GRIN2A: variants seen among roughly 807,000 people sequenced by gnomAD.
The protein encoded by GRIN2A is glutamate ionotropic receptor NMDA type subunit 2A.
GRIN2A carries 22 observed loss-of-function variants against 113.4 expected under a neutral mutation model. That is an observed-to-expected ratio of 0.19 (90% confidence interval 0.14 to 0.28). The LOEUF (loss-of-function observed/expected upper bound fraction) is 0.28. Ranked by LOEUF, GRIN2A falls within the 10% of genes least tolerant of loss-of-function variation. The probability of loss-of-function intolerance (pLI) is 1.00; values close to 1 mark genes in which losing one functional copy is unlikely to be tolerated. For synonymous variants in GRIN2A, 827 were observed against 738.4 expected (o/e 1.12, Z -1.94); for missense variants, 1,502 against 1,887.0 (o/e 0.80, Z 3.78).
intron 11 of GRIN2A, among the ~76,000 whole-genome samples, chr16:9,777,457 G>T (rs1383741514): frequency 6.6e-6 from 1 of 152,166 alleles, no homozygotes; most frequent in African/African-American, 2.4e-5. Context: ...CAAATAGATT[G>T]AATTTGGGAG....
intron 2 of GRIN2A, among the ~76,000 whole-genome samples, chr16:10,145,807 A>G (rs1038775315): frequency 2.0e-5 from 3 of 152,218 alleles, no homozygotes; most frequent in Non-Finnish European, 4.4e-5. Context: ...ACATCTACAG[A>G]TGGGTGCAAT....
At chr16:9,797,803 T>G (rs141806217) in intron 11 of GRIN2A, among the ~76,000 whole-genome samples, 7 of 152,300 alleles carry the variant, frequency 4.6e-5, no homozygotes, top group African/African-American at 1.7e-4. Context: ...TCCTGGACCC[T>G]GTAAGGTGTT....
chr16:10,109,671 A>T (rs990072718), intron 2 of GRIN2A, among the ~76,000 whole-genome samples: 4 of 152,042 alleles, frequency 2.6e-5, no homozygotes, highest in Non-Finnish European at 5.9e-5. Flanking sequence ...AAGACCTACC[A>T]TTTAATAAAT....
At chr16:9,856,015 A>G (rs1349476449) in intron 4 of GRIN2A, among the ~76,000 whole-genome samples, 4 of 152,342 alleles carry the variant, frequency 2.6e-5, no homozygotes, top group Non-Finnish European at 4.4e-5. Context: ...ACAGTGGGCA[A>G]TAATGACAAA....
chr16:10,101,640 A>T (rs1217275650), intron 2 of GRIN2A, among the ~76,000 whole-genome samples: 1 of 152,210 alleles, frequency 6.6e-6, no homozygotes, highest in Admixed American at 6.5e-5. Flanking sequence ...TGGGATACCA[A>T]TTATAAACTT....
chr16:9,783,571 T>C (rs906753802), intron 11 of GRIN2A, among the ~76,000 whole-genome samples: 11 of 152,232 alleles, frequency 7.2e-5, no homozygotes, highest in African/African-American at 2.4e-4. Flanking sequence ...GTGGTTGGCA[T>C]GTGGACTAAC....
chr16:10,152,816 T>C (rs930437179), intron 2 of GRIN2A, among the ~76,000 whole-genome samples: 8 of 152,198 alleles, frequency 5.3e-5, no homozygotes, highest in African/African-American at 1.9e-4. Context: ...TGCATATTTC[T>C]AAGTGAAAGA....
chr16:9,902,781 T>C (rs2043954109), intron 3 of GRIN2A, among the ~76,000 whole-genome samples: 2 of 152,000 alleles, frequency 1.3e-5, no homozygotes, highest in Non-Finnish European at 2.9e-5. Context: ...ATGCATTTGG[T>C]CCTAACCCCA....
At chr16:9,874,302 C>T (rs543442387) in intron 4 of GRIN2A, among the ~76,000 whole-genome samples, 1 of 152,308 alleles carries the variant, frequency 6.6e-6, no homozygotes, top group South Asian at 2.1e-4. Flanking sequence ...AATAAAGGAA[C>T]AGTTTACTGC....
intron 3 of GRIN2A, among the ~76,000 whole-genome samples, chr16:9,907,107 C>A (rs1177547687): frequency 6.6e-6 from 1 of 152,220 alleles, no homozygotes; most frequent in East Asian, 1.9e-4. Context: ...ATCACGATGC[C>A]TGACCACAAA....
chr16:10,052,674 G>A (rs1221397410), intron 2 of GRIN2A, among the ~76,000 whole-genome samples: 1 of 152,168 alleles, frequency 6.6e-6, no homozygotes, highest in Non-Finnish European at 1.5e-5. Context: ...TGTTGAGGCA[G>A]GAAGCTTCAA....
intron 2 of GRIN2A, among the ~76,000 whole-genome samples, chr16:10,161,013 T>A (rs2049798947): frequency 1.3e-5 from 2 of 152,216 alleles, no homozygotes; most frequent in African/African-American, 4.8e-5. Context: ...CAGTAGAACT[T>A]CCTAGAGCAT....
chr16:10,106,022 G>C (rs1490512229), intron 2 of GRIN2A, among the ~76,000 whole-genome samples: 1 of 152,124 alleles, frequency 6.6e-6, no homozygotes, highest in Non-Finnish European at 1.5e-5. Flanking sequence ...GTACAGTATA[G>C]CCTGCCAGCT....
At chr16:10,159,550 C>T (rs2049770347) in intron 2 of GRIN2A, among the ~76,000 whole-genome samples, 1 of 151,980 alleles carries the variant, frequency 6.6e-6, no homozygotes, top group Non-Finnish European at 1.5e-5. Context: ...AAAGGCAGAT[C>T]ATCATCAATG....
chr16:10,165,305 G>A (rs948548253), intron 2 of GRIN2A, among the ~76,000 whole-genome samples: 16 of 151,834 alleles, frequency 1.1e-4, no homozygotes, highest in South Asian at 4.1e-4. Context: ...TGTAAATAAG[G>A]TATAGGAAAA....
chr16:9,853,761 A>C (rs1247185117), intron 4 of GRIN2A, among the ~76,000 whole-genome samples: 2 of 152,178 alleles, frequency 1.3e-5, no homozygotes, highest in African/African-American at 4.8e-5. Flanking sequence ...AAATGTATTT[A>C]AGAGTAGAAT....
intron 11 of GRIN2A, among the ~76,000 whole-genome samples, chr16:9,786,253 C>G (rs918907270): frequency 2.8e-4 from 42 of 152,176 alleles, no homozygotes; most frequent in African/African-American, 9.4e-4. Flanking sequence ...AAGCCTGTAT[C>G]GAGGCCAAAC....
At chr16:10,079,834 G>C (rs7185066) in intron 2 of GRIN2A, among the ~76,000 whole-genome samples, 2,310 of 152,308 alleles carry the variant, frequency 0.015, 63 homozygotes, top group African/African-American at 0.053. Context: ...GGGAAGAAGT[G>C]ACAGAAAGAA....
intron 3 of GRIN2A, among the ~76,000 whole-genome samples, chr16:9,930,656 C>G (rs2044568592): frequency 6.6e-6 from 1 of 152,174 alleles, no homozygotes; most frequent in Non-Finnish European, 1.5e-5. Context: ...AAGAGTTAAT[C>G]ACATTCACCT....
Sources: allele counts gnomAD v4.1 joint callset (sites outside exome capture counted in the v4.1 genomes callset), GRCh38; gene constraint gnomAD v4.1.1; transcripts MANE v1.5; gene names NCBI Gene and HGNC (gene_info 2026-07-23, HGNC 2026-07-21).